RBFOX1: variants seen among roughly 807,000 people sequenced by gnomAD.
The protein encoded by RBFOX1 is RNA binding fox-1 homolog 1.
RBFOX1 carries 8 observed loss-of-function variants against 57.7 expected under a neutral mutation model. The observed-to-expected ratio is 0.14, with a 90% CI of 0.08 to 0.25. RBFOX1 has a LOEUF of 0.25. Among genes scored for constraint, RBFOX1 ranks in the 10% least tolerant of loss-of-function variants. The pLI is 1.00. For missense variants in RBFOX1, 611 were observed against 548.5 expected, an observed-to-expected ratio of 1.11 and a Z score of -1.14; for synonymous variants, 326 against 222.4, an observed-to-expected ratio of 1.47 and a Z score of -4.15.
chr16:6,736,706 C>T (rs943172770), intron 3 of RBFOX1, among the ~76,000 whole-genome samples: 1 of 152,174 alleles, frequency 6.6e-6, no homozygotes, highest in African/African-American at 2.4e-5. Context: ...AATGGTAGTT[C>T]TACTTTTAGT....
intron 12 of RBFOX1, among the ~76,000 whole-genome samples, chr16:7,661,201 G>C (rs1450521042): frequency 6.6e-6 from 1 of 152,118 alleles, no homozygotes; most frequent in Non-Finnish European, 1.5e-5. Context: ...ACATTTTTTA[G>C]AGTTATCCTA....
At chr16:6,489,249 T>A (rs1182225206) in intron 2 of RBFOX1, among the ~76,000 whole-genome samples, 3 of 152,230 alleles carry the variant, frequency 2.0e-5, no homozygotes, top group Non-Finnish European at 4.4e-5. Context: ...CCTTCCCATA[T>A]GGTCCTTCTT....
At chr16:6,085,304 C>T (rs974675738) in intron 1 of RBFOX1, among the ~76,000 whole-genome samples, 1 of 152,180 alleles carries the variant, frequency 6.6e-6, no homozygotes, top group Admixed American at 6.5e-5. Flanking sequence ...CGCGGTTTCG[C>T]TCTTGTTGCC....
chr16:7,283,535 C>G (rs544632336), intron 4 of RBFOX1, among the ~76,000 whole-genome samples: 2 of 152,190 alleles, frequency 1.3e-5, no homozygotes, highest in African/African-American at 2.4e-5. Flanking sequence ...CACCTCCCCT[C>G]TGTGTTGGCC....
intron 2 of RBFOX1, among the ~76,000 whole-genome samples, chr16:6,539,976 T>C (rs1231346068): frequency 6.6e-6 from 1 of 152,112 alleles, no homozygotes; most frequent in African/African-American, 2.4e-5. Context: ...ATTACCAATG[T>C]CTTAACAGAA....
At chr16:7,533,455 C>T (rs986691222) in intron 5 of RBFOX1, among the ~76,000 whole-genome samples, 2 of 152,284 alleles carry the variant, frequency 1.3e-5, no homozygotes, top group South Asian at 2.1e-4. Context: ...TATGTCACTG[C>T]AGATGCTTCT....
chr16:6,010,999 C>T (rs997871918), intron 4 of RBFOX1, among the ~76,000 whole-genome samples: 1 of 152,140 alleles, frequency 6.6e-6, no homozygotes, highest in African/African-American at 2.4e-5. Flanking sequence ...CACCAGTAAC[C>T]ACTGCAAATG....
intron 3 of RBFOX1, among the ~76,000 whole-genome samples, chr16:5,760,282 G>C (rs193044200): frequency 6.6e-6 from 1 of 152,012 alleles, no homozygotes; most frequent in South Asian, 2.1e-4. Context: ...GGGTAAATTG[G>C]TAAACAAGAC....
At chr16:7,138,843 C>G (rs1054875059) in intron 4 of RBFOX1, among the ~76,000 whole-genome samples, 2 of 152,196 alleles carry the variant, frequency 1.3e-5, no homozygotes, top group African/African-American at 2.4e-5. Flanking sequence ...GAGTCTGGCT[C>G]TGCTGCCTAG....
rs1555677708 is a variant in RBFOX1 at position 6,957,116 on chromosome 16, T to TTTTATTTATTTATTTGTTTA, written c.-15-94926_-15-94925insGTTTATTTATTTATTTATTT. Reference sequence around the variant, plus strand: ...ATTTATTTTATTTTTTTATTTTTATTTTTATTTATTTATTTATTTATTTAT... The same window carrying TTTTATTTATTTATTTGTTTA: ...ATTTATTTTATTTTTTTATTTTTATTTTTATTTATTTATTTGTTTATTTATTTATTTATTTATTTATTTAT... On this transcript the variant is annotated intron_variant, in intron 3 of 15. Coordinates refer to ENST00000550418, the MANE Select transcript of RBFOX1 (RefSeq NM_018723.4). Among the ~76,000 whole-genome samples the TTTTATTTATTTATTTGTTTA allele has an allele frequency of 5.0e-3, 700 of 139,246 alleles. 7 individuals are homozygous for TTTTATTTATTTATTTGTTTA. The highest frequency in any genetic ancestry group is 0.019 in the African/African-American group (679 of 36,398). 91.4% of individuals were successfully genotyped at this position (139,246 alleles called of 152,430 possible).
intron 3 of RBFOX1, among the ~76,000 whole-genome samples, chr16:5,707,919 AG>A (rs1359056862): frequency 6.6e-6 from 1 of 152,144 alleles, no homozygotes; most frequent in African/African-American, 2.4e-5. Flanking sequence ...TGTAACTTTG[AG>A]GGTGGTATTT....
At chr16:6,941,347 C>T (rs918442019) in intron 3 of RBFOX1, among the ~76,000 whole-genome samples, 1 of 131,290 alleles carries the variant, frequency 7.6e-6, no homozygotes, top group Non-Finnish European at 1.6e-5. Context: ...TCCTTCCTTC[C>T]TTCCTTCCTT....
chr16:6,624,391 C>A (rs2098275511), intron 2 of RBFOX1, among the ~76,000 whole-genome samples: 1 of 152,042 alleles, frequency 6.6e-6, no homozygotes, highest in African/African-American at 2.4e-5. Context: ...AGGGTTTTTG[C>A]AGGGCAGTAT....
intron 2 of RBFOX1, among the ~76,000 whole-genome samples, chr16:6,533,427 T>C (rs1393237749): frequency 6.6e-6 from 1 of 152,160 alleles, no homozygotes; most frequent in African/African-American, 2.4e-5. Context: ...CTGTGATCAC[T>C]GCCACGTGGC....
intron 3 of RBFOX1, among the ~76,000 whole-genome samples, chr16:7,015,541 C>T (rs2093867946): frequency 6.6e-6 from 1 of 152,274 alleles, no homozygotes; most frequent in Non-Finnish European, 1.5e-5. Flanking sequence ...TCAATTAATT[C>T]TCAGGACTGC....
At chr16:5,272,526 G>A (rs1017853489) in intron 1 of RBFOX1, among the ~76,000 whole-genome samples, 7 of 152,022 alleles carry the variant, frequency 4.6e-5, no homozygotes, top group African/African-American at 1.4e-4. Flanking sequence ...TCTCAGAATC[G>A]TCCCATCCTC....
intron 1 of RBFOX1, among the ~76,000 whole-genome samples, chr16:6,067,380 C>A (rs62017373): frequency 7.3e-5 from 1 of 13,764 alleles, no homozygotes; most frequent in Non-Finnish European, 1.4e-4. Context: ...AAAAACAAAC[C>A]AACCAAACAA....
chr16:5,923,591 G>A (rs1023986142), intron 4 of RBFOX1, among the ~76,000 whole-genome samples: 3 of 138,916 alleles, frequency 2.2e-5, no homozygotes, highest in African/African-American at 8.1e-5. Context: ...GCCCAGGCTC[G>A]AATGCAGTGG....
intron 3 of RBFOX1, among the ~76,000 whole-genome samples, chr16:6,901,263 G>T (rs984524170): frequency 6.6e-6 from 1 of 152,314 alleles, no homozygotes; most frequent in African/African-American, 2.4e-5. Flanking sequence ...AGAATTGCTT[G>T]TTCATCTCTT....
Sources: gnomAD v4.1 joint callset for allele counts (sites outside exome capture counted in the v4.1 genomes callset) on GRCh38, gnomAD v4.1.1 for gene constraint, MANE v1.5 for transcripts, NCBI Gene and HGNC (gene_info 2026-07-23, HGNC 2026-07-21) for gene names.